Variants in METTL9 observed in about 807,000 individuals in gnomAD.
METTL9 encodes the protein protein-L-histidine N-pros-methyltransferase.
Under a neutral mutation model 36.0 loss-of-function variants are expected in METTL9, and 10 were observed. The ratio of observed to expected loss-of-function variants is 0.28; its 90% CI spans 0.17 to 0.47. METTL9 has a LOEUF of 0.47. Ranked by LOEUF, METTL9 falls within the 20% of genes least tolerant of loss-of-function variation. METTL9 has a pLI of 0.99. For missense variants in METTL9, 246 were observed against 383.5 expected (o/e 0.64, Z 3.00); for synonymous variants, 175 against 149.7 (o/e 1.17, Z -1.23).
rs778358052 is a variant in METTL9 at position 21,655,394 on chromosome 16, G to A, written c.919G>A (p.Val307Ile). Residue 307 changes from valine to isoleucine, a missense_variant, in exon 5 of 5, where the codon GTT becomes ATT. Physicochemically the swap from Val to Ile is conservative, Grantham distance 29. Around this residue, in one of 2 missense-constraint regions of METTL9, gnomAD observed 146 missense variants for 302.1 expected, o/e 0.48. Coordinates refer to ENST00000358154, the MANE Select transcript of METTL9 (RefSeq NM_016025.5). ...CEGDMYNDYY[V>I]LDDAVFVLKP... Reference sequence around the variant, plus strand: ...AGGCGACATGTATAATGACTACTACGTTCTGGATGACGCTGTCTTTGTTCT... The same window carrying A: ...AGGCGACATGTATAATGACTACTACATTCTGGATGACGCTGTCTTTGTTCT... The A allele has an allele frequency of 2.5e-6, 4 of 1,614,006 alleles. No homozygotes were observed. Among genetic ancestry groups the A allele is most frequent in the East Asian group, 2.2e-5 (1 of 44,894 alleles).
At chr16:21,615,096 A>G (rs1277441014) in intron 2 of METTL9, among the ~76,000 whole-genome samples, 2 of 152,196 alleles carry the variant, frequency 1.3e-5, no homozygotes, top group African/African-American at 2.4e-5. Flanking sequence ...AGAGGGCAAA[A>G]TCAATCCTGG....
intron 4 of METTL9, chr16:21,641,620 A>T: frequency 6.8e-7 from 1 of 1,469,880 alleles, no homozygotes; most frequent in Non-Finnish European, 9.5e-7. Context: ...ATAGAAAGCC[A>T]TGTTTAAGGT....
intron 1 of METTL9, among the ~76,000 whole-genome samples, chr16:21,602,770 G>A (rs568267036): frequency 6.6e-6 from 1 of 151,702 alleles, no homozygotes; most frequent in Non-Finnish European, 1.5e-5. Flanking sequence ...CAATTCTGAT[G>A]TCTCAGCCTC....
chr16:21,641,891 T>C (rs1186571981), intron 4 of METTL9, among the ~76,000 whole-genome samples: 1 of 152,168 alleles, frequency 6.6e-6, no homozygotes, highest in East Asian at 1.9e-4. Context: ...GTTGAAAACA[T>C]GTCCCAGCCT....
intron 4 of METTL9, among the ~76,000 whole-genome samples, chr16:21,638,230 A>T (rs1244022264): frequency 6.6e-6 from 1 of 152,214 alleles, no homozygotes; most frequent in Non-Finnish European, 1.5e-5. Context: ...AGGCAGGAGA[A>T]TCACTTGAAC....
chr16:21,643,298 CTT>C, intron 4 of METTL9: 1 of 659,910 alleles, frequency 1.5e-6, no homozygotes, highest in Non-Finnish European at 2.6e-6. Flanking sequence ...ACAGTTAACT[CTT>C]TTGTATTTGA....
At chr16:21,639,503 A>C (rs983519090) in intron 4 of METTL9, 21 of 152,220 alleles carry the variant, frequency 1.4e-4, no homozygotes, top group Admixed American at 7.2e-4. Flanking sequence ...TACCTGAGCT[A>C]GTGGTCTCAG....
chr16:21,598,352 CAAAA>C (rs1161878357), upstream of METTL9, among the ~76,000 whole-genome samples: 1 of 59,152 alleles, frequency 1.7e-5, no homozygotes, highest in Non-Finnish European at 3.5e-5. Flanking sequence ...CACTCCGTTT[CAAAA>C]AAAAAAAAAA....
intron 4 of METTL9, chr16:21,652,618 G>A (rs760631627): frequency 2.3e-5 from 36 of 1,596,478 alleles, no homozygotes; most frequent in Non-Finnish European, 2.0e-5. Flanking sequence ...TGCCGGGGCG[G>A]GTTGGGGTGT....
At chr16:21,624,653 G>A (rs911860223) in intron 3 of METTL9, among the ~76,000 whole-genome samples, 2 of 151,884 alleles carry the variant, frequency 1.3e-5, no homozygotes, top group Non-Finnish European at 2.9e-5. Context: ...CTTGAACCTG[G>A]GAGGCAGAGG....
rs139274226 is a variant in METTL9 at position 21,633,481 on chromosome 16, G to A, written c.751+8366G>A. On this transcript the variant is annotated intron_variant, in intron 4 of 4. Coordinates refer to ENST00000358154, the MANE Select transcript of METTL9 (RefSeq NM_016025.5). The stretch of plus-strand genomic sequence containing the variant: ...AAACCCTTGGGGCAAGACTGTCCAC[G>A]TAAATTGGGATGTGTGGTCTGTGGG... 4.6e-4 allele frequency among the ~76,000 whole-genome samples: 70 copies of A among 152,184 alleles called. 1 individual carries two copies. In the East Asian group the frequency reaches 0.011, roughly 24 times the overall value.
intron 2 of METTL9, among the ~76,000 whole-genome samples, chr16:21,617,399 C>T (rs1447370589): frequency 1.5e-4 from 21 of 139,848 alleles, no homozygotes; most frequent in African/African-American, 4.9e-4. Context: ...GTCTGGGCGA[C>T]GGCAGAGCGA....
At chr16:21,639,030 G>A (rs1449074324) in intron 4 of METTL9, among the ~76,000 whole-genome samples, 1 of 152,136 alleles carries the variant, frequency 6.6e-6, no homozygotes, top group East Asian at 1.9e-4. Context: ...AAACTGCTAA[G>A]ATCTCTAGAA....
chr16:21,631,612 CG>C (rs1452043361), intron 4 of METTL9, among the ~76,000 whole-genome samples: 1 of 152,182 alleles, frequency 6.6e-6, no homozygotes, highest in Non-Finnish European at 1.5e-5. Flanking sequence ...AACCATCTAT[CG>C]TCCTGTCCTG....
intron 4 of METTL9, chr16:21,643,171 G>T: frequency 6.4e-7 from 1 of 1,564,240 alleles, no homozygotes. Context: ...AGACAAATGA[G>T]AAAAAAAAAT....
At chr16:21,643,407 A>C (rs1448825116) in intron 4 of METTL9, 2 of 637,452 alleles carry the variant, frequency 3.1e-6, no homozygotes, top group Admixed American at 6.0e-5. Flanking sequence ...ACAATAGGAA[A>C]TAGTGTCTGC....
intron 4 of METTL9, among the ~76,000 whole-genome samples, chr16:21,625,851 ATTAT>A (rs1445278215): frequency 6.6e-6 from 1 of 152,164 alleles, no homozygotes; most frequent in Non-Finnish European, 1.5e-5. Flanking sequence ...TTAATATAAA[ATTAT>A]TTATTTTATG....
chr16:21,647,585 T>C (rs1966464908), intron 4 of METTL9: 1 of 1,443,972 alleles, frequency 6.9e-7, no homozygotes. Context: ...AGCCATTCTG[T>C]TATTTTTCTT....
chr16:21,634,732 G>T (rs779556301), intron 4 of METTL9, among the ~76,000 whole-genome samples: 15 of 152,094 alleles, frequency 9.9e-5, no homozygotes, highest in Non-Finnish European at 1.9e-4. Context: ...TACCTTTTAG[G>T]ATCAATTGAC....
Sources: allele counts gnomAD v4.1 joint callset (sites outside exome capture counted in the v4.1 genomes callset), GRCh38; gene constraint gnomAD v4.1.1; regional missense constraint gnomAD v4.1.1; transcripts MANE v1.5; gene names NCBI Gene and HGNC (gene_info 2026-07-23, HGNC 2026-07-21).